The following HOXA9 variants were observed in gnomAD, a reference collection of about 807,000 sequenced individuals.
The protein encoded by HOXA9 is homeobox A9.
Under a neutral mutation model 19.0 loss-of-function variants are expected in HOXA9, and 18 were observed. The observed-to-expected ratio is 0.95, with a 90% CI of 0.65 to 1.40. The LOEUF (loss-of-function observed/expected upper bound fraction) is 1.40, where lower values mean the gene tolerates loss of function less well. Among genes scored for constraint, HOXA9 ranks in the 40% most tolerant of loss-of-function variants. HOXA9 has a pLI of 0.00. For synonymous variants in HOXA9, 198 were observed against 161.1 expected, an observed-to-expected ratio of 1.23 and a Z score of -1.73; for missense variants, 443 against 372.2, an observed-to-expected ratio of 1.19 and a Z score of -1.57.
Position 27,163,351 on chromosome 7 carries a change from C to G in HOXA9, c.*252G>C, listed in dbSNP as rs1163991681. On this transcript the variant is annotated 3_prime_UTR_variant, in exon 2 of 2. Transcript: ENST00000343483. ...ACACAGCTATCAGCACTAATGCCCC[C>G]CCCTCAACTTTTCCTTTTTCTTATA... The G allele has an allele frequency of 2.1e-6, 1 of 484,652 alleles. No individual in the cohort carries two copies. The highest frequency in any genetic ancestry group is 1.9e-5 in the African/African-American group (1 of 51,652). The allele number at this position is 484,652 out of a possible 1,614,324, so 30.0% of individuals were successfully genotyped here. A position where few individuals can be genotyped will look rare whatever the true frequency, so the allele number is the denominator to read the frequency against.
Position 27,164,970 on chromosome 7 carries a change from G to A in HOXA9, c.488C>T (p.Pro163Leu). Residue 163 changes from proline (P) to leucine (L), a missense_variant, in exon 1 of 2, where the codon CCA becomes CTA. Coordinates refer to ENST00000343483, the MANE Select transcript of HOXA9 (RefSeq NM_152739.4). ...GCTGGGTTGTTTTTCTCTATCAACT[G>A]GAGGAGAACCACAAGCATAGTCAGT... is the stretch of plus-strand genomic sequence containing the variant. ...SLTDYACGSP[P>L]VDREKQPSEG... The A allele has an allele frequency of 1.2e-6, 2 of 1,614,226 alleles. No individual in the cohort carries two copies. Among genetic ancestry groups the A allele is most frequent in the Non-Finnish European group, 1.7e-6 (2 of 1,180,030 alleles).
chr7:27,165,152 C>T lies in HOXA9; in HGVS notation c.306G>A (p.Ala102=), dbSNP rs984989441. The change falls in exon 1 of 2, where the codon GCG becomes GCA. Residue 102 remains alanine (A), a synonymous_variant. Transcript: ENST00000343483. ...VHPQAPVAAA[A]PDGRYMRSWL... ...AGGAGCGCATGTACCTGCCGTCCGG[C>T]GCCGCCGCCGCCACGGGCGCCTGGG... 1.3e-6 allele frequency: 2 copies of T among 1,594,546 alleles called. No homozygotes were observed. Among genetic ancestry groups the T allele is most frequent in the Non-Finnish European group, 1.7e-6 (2 of 1,170,402 alleles).
intron 1 of HOXA9, among the ~76,000 whole-genome samples, chr7:27,164,593 GC>G (rs1783276495): frequency 6.6e-6 from 1 of 152,262 alleles, no homozygotes; most frequent in African/African-American, 2.4e-5. Flanking sequence ...GGCCTGGGCA[GC>G]CAAGGAGAGG....
intron 1 of HOXA9, among the ~76,000 whole-genome samples, chr7:27,164,558 A>T (rs1295289325): frequency 3.3e-5 from 5 of 152,252 alleles, no homozygotes; most frequent in African/African-American, 9.6e-5. Context: ...GCTTTCGAAG[A>T]ACGGCCCAAA....
In HOXA9 at chr7:27,162,596, C is replaced by T. The variant is rs1783222149; in HGVS notation, c.*1007G>A. On this transcript the variant is annotated 3_prime_UTR_variant, in exon 2 of 2. Transcript: ENST00000343483. ...ATCAAGGATACAAATCTACAGTAGC[C>T]CAATGGCGGTTTCATAGTGTATAAT... 1 of 210,710 alleles carries T rather than the reference C, an allele frequency of 4.7e-6. No homozygotes were observed. The highest frequency in any genetic ancestry group is 9.6e-6 in the Non-Finnish European group (1 of 103,840). The allele number at this position is 210,710 out of a possible 1,614,324, so 13.1% of individuals were successfully genotyped here.
Position 27,163,345 on chromosome 7 carries a change from T to A in HOXA9, c.*258A>T. On this transcript the variant is annotated 3_prime_UTR_variant, in exon 2 of 2. Coordinates refer to ENST00000343483, the MANE Select transcript of HOXA9 (RefSeq NM_152739.4). ...TAACACACACAGCTATCAGCACTAA[T>A]GCCCCCCCCTCAACTTTTCCTTTTT... is the stretch of plus-strand genomic sequence containing the variant. 2.1e-6 allele frequency: 1 copy of A among 478,314 alleles called. No homozygotes were observed. The highest frequency in any genetic ancestry group is 3.7e-6 in the Non-Finnish European group (1 of 269,104). The allele number at this position is 478,314 out of a possible 1,614,324, so 29.6% of individuals were successfully genotyped here. A position where few individuals can be genotyped will look rare whatever the true frequency, so the allele number is the denominator to read the frequency against.
In HOXA9 at chr7:27,163,592, C is replaced by G. The variant is rs1276342581; in HGVS notation, c.*11G>C. On this transcript the variant is annotated 3_prime_UTR_variant, in exon 2 of 2. Coordinates refer to ENST00000343483, the MANE Select transcript of HOXA9 (RefSeq NM_152739.4). ...TAGCTTACCCTTTTTTCTAAATAAG[C>G]CCAAATGGCATCACTCGTCTTTTGC... is the stretch of plus-strand genomic sequence containing the variant. 1.9e-6 allele frequency: 3 copies of G among 1,595,470 alleles called. No individual in the cohort carries two copies. The African/African-American group carries it at 4.1e-5, about 22-fold the overall frequency.
chr7:27,163,534 G>A lies in HOXA9; in HGVS notation c.*69C>T. Reference sequence around the variant, plus strand: ...TGGGGGTGAGAGAAGGGAGAAGGCGGAAGGGGGACGGACAGTTCTTTCTTT... The same window carrying A: ...TGGGGGTGAGAGAAGGGAGAAGGCGAAAGGGGGACGGACAGTTCTTTCTTT... On this transcript the variant is annotated 3_prime_UTR_variant, in exon 2 of 2. Coordinates refer to ENST00000343483, the MANE Select transcript of HOXA9 (RefSeq NM_152739.4). 1 of 1,254,230 alleles carries A rather than the reference G, an allele frequency of 8.0e-7. No homozygotes were observed. The highest frequency in any genetic ancestry group is 2.3e-5 in the East Asian group (1 of 43,034). The allele number at this position is 1,254,230 out of a possible 1,614,324, so 77.7% of individuals were successfully genotyped here.
At chr7:27,164,821 C>A in intron 1 of HOXA9, 57 bp downstream of exon 1, 1 of 1,572,084 alleles carries the variant, frequency 6.4e-7, no homozygotes, top group South Asian at 1.2e-5. Flanking sequence ...GGCGGGCCAG[C>A]AGATCCGGGA....
At position 27,162,840 on chromosome 7, in the gene HOXA9, T is replaced by C. The variant is rs1187614533; in HGVS notation, c.*763A>G. ...AATAGACAAGACAGGACTATATAGATAATGGACAGACTTAAATGCCCGCAT... is the reference window on the plus strand; with the variant it reads ...AATAGACAAGACAGGACTATATAGACAATGGACAGACTTAAATGCCCGCAT... On this transcript the variant is annotated 3_prime_UTR_variant, in exon 2 of 2. Transcript: ENST00000343483. The C allele has an allele frequency of 5.0e-6, 1 of 199,772 alleles. No homozygotes were observed. The allele number at this position is 199,772 out of a possible 1,614,324, so 12.4% of individuals were successfully genotyped here.
chr7:27,164,248 C>A (rs1783266157), intron 1 of HOXA9, among the ~76,000 whole-genome samples: 2 of 152,266 alleles, frequency 1.3e-5, no homozygotes, highest in African/African-American at 4.8e-5. Flanking sequence ...CTTTCCCAAC[C>A]TGTCCCTCTA....
rs1323130665 is a variant in HOXA9, at chr7:27,162,723, T to A, written c.*880A>T. ...GTAACCTTCTGCACATATGTATAGC[T>A]CCGAATTTCCTCACTGTTCGTCTGG... is the stretch of plus-strand genomic sequence containing the variant. On this transcript the variant is annotated 3_prime_UTR_variant, in exon 2 of 2. Coordinates refer to ENST00000343483, the MANE Select transcript of HOXA9 (RefSeq NM_152739.4). The A allele has an allele frequency of 4.8e-6, 1 of 209,578 alleles. No individual in the cohort carries two copies. The highest frequency in any genetic ancestry group is 2.3e-5 in the African/African-American group (1 of 43,910). 13.0% of individuals were successfully genotyped at this position (209,578 alleles called of 1,614,324 possible).
In HOXA9 at chr7:27,163,957, G is replaced by C. The variant is rs573248243; in HGVS notation, c.581-116C>G. 91 of 824,482 alleles carry C rather than the reference G, an allele frequency of 1.1e-4. No homozygotes were observed. The South Asian group carries it at 1.1e-3, about 10-fold the overall frequency. 51.1% of individuals were successfully genotyped at this position (824,482 alleles called of 1,614,324 possible). On this transcript the variant is annotated intron_variant, in intron 1 of 1. Transcript: ENST00000343483. ...TGCAGAACTCTGCTGAACTGGTTAGGAAAGGCAGTCAGGCCTCGGACACAA... is the reference window on the plus strand; with the variant it reads ...TGCAGAACTCTGCTGAACTGGTTAGCAAAGGCAGTCAGGCCTCGGACACAA...
At position 27,163,423 on chromosome 7, in the gene HOXA9, A is replaced by T; in HGVS notation, c.*180T>A. 3.1e-6 allele frequency: 2 copies of T among 636,794 alleles called. No homozygotes were observed. The highest frequency in any genetic ancestry group is 5.6e-6 in the Non-Finnish European group (2 of 358,064). The allele number at this position is 636,794 out of a possible 1,614,324, so 39.4% of individuals were successfully genotyped here. ...CCTCCTCCATCAAAGCGGCAGGCCT[A>T]CGAGCCAGCCTGAACAGGGTTTGCC... On this transcript the variant is annotated 3_prime_UTR_variant, in exon 2 of 2. Transcript: ENST00000343483.
Position 27,163,441 on chromosome 7 carries a change from G to C in HOXA9, c.*162C>G. On this transcript the variant is annotated 3_prime_UTR_variant, in exon 2 of 2. Coordinates refer to ENST00000343483, the MANE Select transcript of HOXA9 (RefSeq NM_152739.4). ...CAGGCCTACGAGCCAGCCTGAACAG[G>C]GTTTGCCTTGGAAAAGATGTGGCCT... is the stretch of plus-strand genomic sequence containing the variant. 1 of 670,888 alleles carries C rather than the reference G, an allele frequency of 1.5e-6. No homozygotes were observed. The highest frequency in any genetic ancestry group is 2.5e-5 in the East Asian group (1 of 40,086). The allele number at this position is 670,888 out of a possible 1,614,324, so 41.6% of individuals were successfully genotyped here. A position where few individuals can be genotyped will look rare whatever the true frequency, so the allele number is the denominator to read the frequency against.
chr7:27,165,356 G>T lies in HOXA9; in HGVS notation c.102C>A (p.Thr34=). Residue 34 remains threonine (T), a synonymous_variant, in exon 1 of 2, where the codon ACC becomes ACA. Coordinates refer to ENST00000343483, the MANE Select transcript of HOXA9 (RefSeq NM_152739.4). ...ELSVGRYAPG[T]LGQPPRQAAT... The stretch of plus-strand genomic sequence containing the variant: ...CCGCCTGCCGGGGAGGCTGGCCCAG[G>T]GTCCCCGGCGCATAGCGGCCAACGC... 1 of 1,595,014 alleles carries T rather than the reference G, an allele frequency of 6.3e-7. No individual in the cohort carries two copies. The highest frequency in any genetic ancestry group is 8.5e-7 in the Non-Finnish European group (1 of 1,172,492).
chr7:27,163,558 T>G lies in HOXA9; in HGVS notation c.*45A>C. The G allele has an allele frequency of 2.7e-5, 38 of 1,424,234 alleles. No homozygotes were observed. The highest frequency in any genetic ancestry group is 3.4e-5 in the Non-Finnish European group (35 of 1,017,576). The allele number at this position is 1,424,234 out of a possible 1,614,324, so 88.2% of individuals were successfully genotyped here. Reference sequence around the variant, plus strand: ...GGAAGGGGGACGGACAGTTCTTTCTTTTTCTCTCTAGCTTACCCTTTTTTC... The same window carrying G: ...GGAAGGGGGACGGACAGTTCTTTCTGTTTCTCTCTAGCTTACCCTTTTTTC... On this transcript the variant is annotated 3_prime_UTR_variant, in exon 2 of 2. Coordinates refer to ENST00000343483, the MANE Select transcript of HOXA9 (RefSeq NM_152739.4).
rs750730778 is a variant in HOXA9 at position 27,163,611 on chromosome 7, C to G, written c.811G>C (p.Asp271His). ...MKKINKDRAK[D>H]E Reference sequence around the variant, plus strand: ...AATAAGCCCAAATGGCATCACTCGTCTTTTGCTCGGTCTTTGTTGATTTTC... The same window carrying G: ...AATAAGCCCAAATGGCATCACTCGTGTTTTGCTCGGTCTTTGTTGATTTTC... The change falls in exon 2 of 2, where the codon GAC becomes CAC. Residue 271 changes from aspartate to histidine, a missense_variant. By Grantham distance (81) the Asp-to-His change is moderately conservative. Coordinates refer to ENST00000343483, the MANE Select transcript of HOXA9 (RefSeq NM_152739.4). 2 of 1,611,616 alleles carry G rather than the reference C, an allele frequency of 1.2e-6. No individual in the cohort carries two copies. Among genetic ancestry groups the G allele is most frequent in the Non-Finnish European group, 8.5e-7 (1 of 1,178,466 alleles).
At chr7:27,164,486 C>T (rs1783274259) in intron 1 of HOXA9, among the ~76,000 whole-genome samples, 1 of 152,278 alleles carries the variant, frequency 6.6e-6, no homozygotes, top group Non-Finnish European at 1.5e-5. Flanking sequence ...CCAGCTCCGG[C>T]TGCCCTGGCT....
Sources: allele counts gnomAD v4.1 joint callset (sites outside exome capture counted in the v4.1 genomes callset), GRCh38; gene constraint gnomAD v4.1.1; transcripts MANE v1.5; gene names NCBI Gene and HGNC (gene_info 2026-07-23, HGNC 2026-07-21).